Variants in ETV1 observed in about 807,000 individuals in gnomAD.
ETV1 encodes the protein ETS variant transcription factor 1.
A neutral mutation model predicts 62.3 loss-of-function variants in ETV1; 27 were observed. The ratio of observed to expected loss-of-function variants is 0.43; its 90% CI spans 0.32 to 0.60. The LOEUF is 0.60. ETV1 is among the 20% of genes least tolerant of loss of function. The pLI is 0.06. For synonymous variants in ETV1, 222 were observed against 199.6 expected (o/e 1.11, Z -0.94); for missense variants, 605 against 605.8 (o/e 1.00, Z 0.01).
rs536230042 is a variant in ETV1, at chr7:13,895,297, A to G, written c.*569T>C. On this transcript the variant is annotated 3_prime_UTR_variant, in exon 14 of 14. Transcript: ENST00000430479. The stretch of plus-strand genomic sequence containing the variant: ...CATATATAAAGCAAAATAAAACAAC[A>G]AACAGCAAATGCAATCGCTAAATAC... 4.3e-6 allele frequency: 1 copy of G among 233,936 alleles called. No individual in the cohort carries two copies. Among genetic ancestry groups the G allele is most frequent in the South Asian group, 1.8e-4 (1 of 5,560 alleles). 14.5% of individuals were successfully genotyped at this position (233,936 alleles called of 1,614,324 possible).
intron 9 of ETV1, among the ~76,000 whole-genome samples, chr7:13,920,502 C>G (rs973554476): frequency 2.0e-5 from 3 of 151,718 alleles, no homozygotes; most frequent in Non-Finnish European, 2.9e-5. Context: ...GAATGAAACT[C>G]CAGGCTCTAT....
chr7:13,920,063 AG>A (rs993137757), intron 9 of ETV1, among the ~76,000 whole-genome samples: 31 of 152,246 alleles, frequency 2.0e-4, no homozygotes, highest in African/African-American at 5.8e-4. Flanking sequence ...AGAAACTAAA[AG>A]TCCCACCCTA....
Position 13,893,980 on chromosome 7 carries a change from A to T in ETV1, c.*1886T>A. 1 of 233,010 alleles carries T rather than the reference A, an allele frequency of 4.3e-6. No individual in the cohort carries two copies. Among genetic ancestry groups the T allele is most frequent in the Non-Finnish European group, 8.5e-6 (1 of 117,844 alleles). 14.4% of individuals were successfully genotyped at this position (233,010 alleles called of 1,614,324 possible). The stretch of plus-strand genomic sequence containing the variant: ...AGTACTTTTTGTAGGATTAAATGTG[A>T]AGAGTAGCAATTTTGGTGTTTGGGT... On this transcript the variant is annotated 3_prime_UTR_variant, in exon 14 of 14. Coordinates refer to ENST00000430479, the MANE Select transcript of ETV1 (RefSeq NM_004956.5).
rs533320200 is a variant in ETV1 at position 13,923,383 on chromosome 7, C to T, written c.802+8119G>A. ...ACCAACACAGCAAAACATAGAATAA[C>T]ATTTACAATATAAAAACATTCCTCT... On this transcript the variant is annotated intron_variant, in intron 9 of 13. Transcript: ENST00000430479. Among the ~76,000 whole-genome samples, 303 of 152,304 alleles carry T rather than the reference C, an allele frequency of 2.0e-3. 1 individual carries two copies. Among genetic ancestry groups the T allele is most frequent in the African/African-American group, 6.8e-3 (284 of 41,566 alleles).
intron 9 of ETV1, among the ~76,000 whole-genome samples, chr7:13,915,692 T>A (rs1784077706): frequency 6.6e-6 from 1 of 152,214 alleles, no homozygotes; most frequent in African/African-American, 2.4e-5. Context: ...ACATGTCAAA[T>A]TGAGTGCACT....
Position 13,893,896 on chromosome 7 carries a change from A to G in ETV1, c.*1970T>C, listed in dbSNP as rs1781550044. On this transcript the variant is annotated 3_prime_UTR_variant, in exon 14 of 14. Coordinates refer to ENST00000430479, the MANE Select transcript of ETV1 (RefSeq NM_004956.5). ...GGCCCAAAATGGGCCAAAATAATAC[A>G]TGATGTATATGAACAACAATCATTG... 1 of 233,126 alleles carries G rather than the reference A, an allele frequency of 4.3e-6. No homozygotes were observed. Among genetic ancestry groups the G allele is most frequent in the Admixed American group, 5.6e-5 (1 of 17,768 alleles). The allele number at this position is 233,126 out of a possible 1,614,324, so 14.4% of individuals were successfully genotyped here.
At chr7:13,965,391 T>C (rs1431778458) in intron 6 of ETV1, among the ~76,000 whole-genome samples, 1 of 152,200 alleles carries the variant, frequency 6.6e-6, no homozygotes, top group Non-Finnish European at 1.5e-5. Flanking sequence ...TCATCTATCA[T>C]ACCTTGATGA....
At chr7:13,984,929 T>TA (rs67286902) in intron 5 of ETV1, among the ~76,000 whole-genome samples, 3 of 148,900 alleles carry the variant, frequency 2.0e-5, no homozygotes, top group Non-Finnish European at 3.0e-5. Context: ...AGTCAAAAGT[T>TA]AAAAAAAAAG....
intron 5 of ETV1, among the ~76,000 whole-genome samples, chr7:13,979,812 G>A (rs1429222343): frequency 1.3e-5 from 2 of 152,060 alleles, no homozygotes; most frequent in Non-Finnish European, 1.5e-5. Flanking sequence ...TGAATATGAT[G>A]GTATGAATGT....
In ETV1 at chr7:13,953,635, TGACTATGAA is replaced by T. The variant is rs369633828; in HGVS notation, c.236-14398_236-14390del. ...GAGGTGCTTTGTCCTGGCTACTGAG[TGACTATGAA>T]GACAGGTTCTTCCCATAAGAACATG... is the stretch of plus-strand genomic sequence containing the variant. On this transcript the variant is annotated intron_variant, in intron 6 of 13. Transcript: ENST00000430479. 4.3e-3 allele frequency among the ~76,000 whole-genome samples: 637 copies of T among 147,738 alleles called. 5 individuals are homozygous for T. Among genetic ancestry groups the T allele is most frequent in the African/African-American group, 0.015 (615 of 40,048 alleles).
intron 9 of ETV1, among the ~76,000 whole-genome samples, chr7:13,925,020 C>T (rs1439058193): frequency 2.0e-5 from 3 of 152,128 alleles, no homozygotes; most frequent in Admixed American, 2.0e-4. Context: ...ATGCAAAAAC[C>T]GTTTCTTCGG....
At chr7:13,966,201 C>G (rs1445636299) in intron 6 of ETV1, among the ~76,000 whole-genome samples, 1 of 151,918 alleles carries the variant, frequency 6.6e-6, no homozygotes, top group Non-Finnish European at 1.5e-5. Flanking sequence ...TTTAAAAGTC[C>G]AAAGATATTC....
rs980825182 is a variant in ETV1 at position 13,895,912 on chromosome 7, C to T, written c.1388G>A (p.Gly463Glu). The change falls in exon 14 of 14, where the codon GGG becomes GAG. Residue 463 changes from glycine to glutamate, a missense_variant. Gly to Glu is a moderately conservative substitution (Grantham distance 98). This residue lies in a region of ETV1 where 79 missense variants were observed against 71.6 expected (regional missense o/e 1.10). Transcript: ENST00000430479. ...GTAGGGGTGGGGGTTGCAGCAGCCC[C>T]CTTCCGGCATGTAGGCCATGCTCTC... ...FDESMAYMPE[G>E]GCCNPHPYNE... is the part of the protein sequence containing the mutation. The T allele has an allele frequency of 6.2e-7, 1 of 1,613,800 alleles. No homozygotes were observed. Among genetic ancestry groups the T allele is most frequent in the Non-Finnish European group, 8.5e-7 (1 of 1,179,844 alleles).
chr7:13,981,466 A>G (rs114586372), intron 5 of ETV1, among the ~76,000 whole-genome samples: 123 of 152,208 alleles, frequency 8.1e-4, no homozygotes, highest in African/African-American at 2.7e-3. Flanking sequence ...CAGATCCATT[A>G]AAGGAACACA....
chr7:13,916,507 G>A (rs1396596318), intron 9 of ETV1, among the ~76,000 whole-genome samples: 17 of 151,872 alleles, frequency 1.1e-4, no homozygotes, highest in East Asian at 5.8e-4. Flanking sequence ...GCATGGTGGC[G>A]CGTGCCTGTC....
chr7:13,900,600 C>T, intron 13 of ETV1, 138 bp downstream of exon 13: 1 of 613,638 alleles, frequency 1.6e-6, no homozygotes, highest in Non-Finnish European at 2.8e-6. Flanking sequence ...CTTGTAATAC[C>T]AAAACCAAGA....
chr7:13,978,386 T>A (rs896639388), intron 5 of ETV1, among the ~76,000 whole-genome samples: 1 of 121,300 alleles, frequency 8.2e-6, no homozygotes, highest in Non-Finnish European at 1.7e-5. Flanking sequence ...CAAACACACA[T>A]AAATACATGC....
intron 9 of ETV1, among the ~76,000 whole-genome samples, chr7:13,930,665 T>C (rs1786003936): frequency 6.6e-6 from 1 of 152,068 alleles, no homozygotes; most frequent in Non-Finnish European, 1.5e-5. Context: ...ACTCCCCCAC[T>C]TGACCCGCTG....
At chr7:13,949,165 TA>T (rs202084966) in intron 6 of ETV1, among the ~76,000 whole-genome samples, 9,072 of 148,558 alleles carry the variant, frequency 0.061, 341 homozygotes, top group African/African-American at 0.1. Context: ...AGCAGTGATT[TA>T]AAAAAAAAAA....
Sources: allele counts gnomAD v4.1 joint callset (sites outside exome capture counted in the v4.1 genomes callset), GRCh38; gene constraint gnomAD v4.1.1; regional missense constraint gnomAD v4.1.1; transcripts MANE v1.5; gene names NCBI Gene and HGNC (gene_info 2026-07-23, HGNC 2026-07-21).